Variants in MSR1 observed in about 807,000 individuals in gnomAD.
The protein encoded by MSR1 is macrophage scavenger receptor 1, also known as macrophage scavenger receptor types I and II.
Under a neutral mutation model 47.2 loss-of-function variants are expected in MSR1, and 53 were observed. The ratio of observed to expected loss-of-function variants is 1.12; its 90% CI spans 0.90 to 1.41. MSR1 has a LOEUF of 1.41. Among genes scored for constraint, MSR1 ranks in the 40% most tolerant of loss-of-function variants. The pLI is 0.00. For synonymous variants in MSR1, 239 were observed against 185.6 expected (o/e 1.29, Z -2.34); for missense variants, 786 against 546.9 (o/e 1.44, Z -4.36).
At chr8:16,158,058 G>C (rs1801059297) in intron 5 of MSR1, among the ~76,000 whole-genome samples, 1 of 151,806 alleles carries the variant, frequency 6.6e-6, no homozygotes, top group South Asian at 2.1e-4. Flanking sequence ...CTGCCTCGTT[G>C]CATCAATAAA....
At chr8:16,169,665 T>G (rs930279100) in intron 3 of MSR1, among the ~76,000 whole-genome samples, 42 of 152,086 alleles carry the variant, frequency 2.8e-4, no homozygotes, top group African/African-American at 9.4e-4. Context: ...AATATGACAT[T>G]TTTAAACAAT....
intron 8 of MSR1, chr8:16,140,202 T>G: frequency 2.0e-6 from 2 of 984,870 alleles, no homozygotes; most frequent in Non-Finnish European, 2.4e-6. Context: ...TAGAACCCAA[T>G]AAATTAAATT....
At chr8:16,141,769 A>C (rs1443351609) in intron 8 of MSR1, among the ~76,000 whole-genome samples, 1 of 152,148 alleles carries the variant, frequency 6.6e-6, no homozygotes, top group African/African-American at 2.4e-5. Flanking sequence ...TGTTCAAAGC[A>C]TTTGATAACC....
chr8:16,139,466 CA>C, intron 8 of MSR1: 1 of 980,720 alleles, frequency 1.0e-6, no homozygotes, highest in Non-Finnish European at 1.2e-6. Context: ...AGAGGCATAC[CA>C]TCTAGAGTTC....
At chr8:16,143,374 T>A (rs1158814513) in intron 8 of MSR1, among the ~76,000 whole-genome samples, 184 bp downstream of exon 8, 1 of 152,122 alleles carries the variant, frequency 6.6e-6, no homozygotes, top group Non-Finnish European at 1.5e-5. Flanking sequence ...AAGAGTTGTA[T>A]AATATAATCT....
At chr8:16,190,106 C>T (rs990066330) in intron 1 of MSR1, among the ~76,000 whole-genome samples, 5 of 151,748 alleles carry the variant, frequency 3.3e-5, no homozygotes, top group African/African-American at 1.2e-4. Context: ...CCGCGTTCAT[C>T]CAGCTGGTCT....
intron 1 of MSR1, among the ~76,000 whole-genome samples, chr8:16,188,969 T>TAC (rs1297254343): frequency 2.8e-5 from 1 of 35,160 alleles, no homozygotes; most frequent in Non-Finnish European, 9.0e-5. Context: ...CACACATACA[T>TAC]ATATATATAT....
chr8:16,111,132 G>C (rs1799747662), intron 9 of MSR1, among the ~76,000 whole-genome samples: 1 of 152,022 alleles, frequency 6.6e-6, no homozygotes, highest in East Asian at 1.9e-4. Flanking sequence ...ATACGTATTT[G>C]TATATCTGTG....
chr8:16,188,951 T>C (rs1158927333), intron 1 of MSR1, among the ~76,000 whole-genome samples: 7 of 119,364 alleles, frequency 5.9e-5, no homozygotes, highest in African/African-American at 2.1e-4. Flanking sequence ...TGCTACCTAA[T>C]AATTCAACAC....
rs972789984 is a variant in MSR1, at chr8:16,133,040, G to A, written c.1033+10518C>T. Reference sequence around the variant, plus strand: ...CTATTGAGATCATCATGTAGTTTTTGTTGTTAGTTTTATGAGGTGAATCAC... The same window carrying A: ...CTATTGAGATCATCATGTAGTTTTTATTGTTAGTTTTATGAGGTGAATCAC... On this transcript the variant is annotated intron_variant, in intron 8 of 9. Coordinates refer to ENST00000262101, the MANE Select transcript of MSR1 (RefSeq NM_138715.3). Among the ~76,000 whole-genome samples the A allele has an allele frequency of 3.9e-5, 6 of 152,048 alleles. 1 individual carries two copies. Among genetic ancestry groups the A allele is most frequent in the Admixed American group, 2.0e-4 (3 of 15,264 alleles).
chr8:16,141,175 G>T lies in MSR1; in HGVS notation c.1033+2383C>A, dbSNP rs1221954678. The T allele has an allele frequency of 6.2e-6, 6 of 971,546 alleles. No homozygotes were observed. In the East Asian group the frequency reaches 1.6e-4, roughly 25 times the overall value. The allele number at this position is 971,546 out of a possible 1,614,324, so 60.2% of individuals were successfully genotyped here. ...ATACCACCATTAACTACAGATGTGG[G>T]GAATCAGGCACTTTCATACAGAATA... On this transcript the variant is annotated intron_variant, in intron 8 of 9. Transcript: ENST00000262101.
At chr8:16,159,446 G>A (rs926396685) in intron 5 of MSR1, among the ~76,000 whole-genome samples, 12 of 151,842 alleles carry the variant, frequency 7.9e-5, no homozygotes, top group African/African-American at 2.7e-4. Flanking sequence ...ATAACTATTT[G>A]AGAAATGTAT....
chr8:16,156,929 A>G (rs1166207180), intron 5 of MSR1, among the ~76,000 whole-genome samples: 1 of 152,002 alleles, frequency 6.6e-6, no homozygotes, highest in Non-Finnish European at 1.5e-5. Flanking sequence ...GGTAACTTCC[A>G]TAACCATGAA....
Position 16,137,135 on chromosome 8 carries a change from A to G in MSR1, c.1033+6423T>C, listed in dbSNP as rs147291351. Among the ~76,000 whole-genome samples the G allele has an allele frequency of 8.7e-3, 1,319 of 152,262 alleles. 15 individuals are homozygous for G. Among genetic ancestry groups the G allele is most frequent in the Middle Eastern group, 0.037 (11 of 294 alleles). ...CTGAGCCCGTTAGCAAAATAAAGAT[A>G]GAATATTAACAGGTAGCTCTTCCCC... is the stretch of plus-strand genomic sequence containing the variant. On this transcript the variant is annotated intron_variant, in intron 8 of 9. Transcript: ENST00000262101.
intron 4 of MSR1, 144 bp downstream of exon 4, chr8:16,168,314 A>T (rs939470106): frequency 2.5e-6 from 2 of 790,422 alleles, no homozygotes; most frequent in African/African-American, 3.5e-5. Flanking sequence ...TTCGTTTAAA[A>T]TCTGGATAAG....
chr8:16,152,267 G>A (rs925638353), intron 6 of MSR1, among the ~76,000 whole-genome samples: 1 of 150,608 alleles, frequency 6.6e-6, no homozygotes, highest in Non-Finnish European at 1.5e-5. Context: ...TAGAGCGACA[G>A]CCTGCAGCCA....
Position 16,115,745 on chromosome 8 carries a change from A to C in MSR1, c.1222+4673T>G, listed in dbSNP as rs527488420. ...GTCATTCCAGTACTTTGGGAGGCTGAGGCAGGAGGATTGCTTGAGGCTAGG... is the reference window on the plus strand; with the variant it reads ...GTCATTCCAGTACTTTGGGAGGCTGCGGCAGGAGGATTGCTTGAGGCTAGG... On this transcript the variant is annotated intron_variant, in intron 9 of 9. Coordinates refer to ENST00000262101, the MANE Select transcript of MSR1 (RefSeq NM_138715.3). Among the ~76,000 whole-genome samples, 8 of 152,244 alleles carry C rather than the reference A, an allele frequency of 5.3e-5. No individual in the cohort carries two copies. In the South Asian group the frequency reaches 1.7e-3, roughly 32 times the overall value.
chr8:16,135,084 G>T (rs570293879), intron 8 of MSR1, among the ~76,000 whole-genome samples: 5 of 152,130 alleles, frequency 3.3e-5, no homozygotes, highest in Non-Finnish European at 5.9e-5. Flanking sequence ...AGAAGCTTCA[G>T]AAAATTGTCC....
At chr8:16,118,873 G>T (rs890087024) in intron 9 of MSR1, among the ~76,000 whole-genome samples, 1 of 152,102 alleles carries the variant, frequency 6.6e-6, no homozygotes. Context: ...TCTAGCTGTT[G>T]ACCTTGAGAA....
Sources: allele counts gnomAD v4.1 joint callset (sites outside exome capture counted in the v4.1 genomes callset), GRCh38; gene constraint gnomAD v4.1.1; transcripts MANE v1.5; gene names NCBI Gene and HGNC (gene_info 2026-07-23, HGNC 2026-07-21).